The following NR3C2 variants were observed in gnomAD, a reference collection of about 807,000 sequenced individuals.
NR3C2 encodes the protein nuclear receptor subfamily 3 group C member 2.
A neutral mutation model predicts 86.4 loss-of-function variants in NR3C2; 15 were observed. The ratio of observed to expected loss-of-function variants is 0.17; its 90% CI spans 0.12 to 0.27. NR3C2 has a LOEUF of 0.27. NR3C2 is among the 10% of genes least tolerant of loss of function. The pLI is 1.00. For synonymous variants in NR3C2, 458 were observed against 450.5 expected (o/e 1.02, Z -0.21); for missense variants, 960 against 1,195.6 (o/e 0.80, Z 2.91).
intron 2 of NR3C2, among the ~76,000 whole-genome samples, chr4:148,341,632 A>G (rs932438141): frequency 6.6e-6 from 1 of 152,132 alleles, no homozygotes; most frequent in Admixed American, 6.6e-5. Flanking sequence ...AAAGAGGTGA[A>G]TGTTTGGGGT....
At chr4:148,391,095 C>A (rs1212983721) in intron 2 of NR3C2, among the ~76,000 whole-genome samples, 1 of 152,132 alleles carries the variant, frequency 6.6e-6, no homozygotes, top group African/African-American at 2.4e-5. Context: ...CATAGAGGAA[C>A]TGATAGCATA....
intron 2 of NR3C2, among the ~76,000 whole-genome samples, chr4:148,397,858 C>T (rs147066006): frequency 5.3e-5 from 8 of 152,246 alleles, no homozygotes; most frequent in Admixed American, 6.5e-5. Flanking sequence ...GTACCATACA[C>T]GCATTTATTT....
chr4:148,315,681 T>G lies in NR3C2; in HGVS notation c.1758-55564A>C, dbSNP rs190716846. 9.8e-5 allele frequency among the ~76,000 whole-genome samples: 15 copies of G among 152,324 alleles called. No homozygotes were observed. The East Asian group carries it at 2.7e-3, about 27-fold the overall frequency. ...TTGGCTTAGCTGGCATTACATACCCTAAAGACTTACGTATTCTGTTTGAAA... is the reference window on the plus strand; with the variant it reads ...TTGGCTTAGCTGGCATTACATACCCGAAAGACTTACGTATTCTGTTTGAAA... On this transcript the variant is annotated intron_variant, in intron 2 of 8. Coordinates refer to ENST00000358102, the MANE Select transcript of NR3C2 (RefSeq NM_000901.5).
In NR3C2 at chr4:148,222,350, A is replaced by G. The variant is rs149942319; in HGVS notation, c.1898-27488T>C. Among the ~76,000 whole-genome samples the G allele has an allele frequency of 7.6e-3, 1,157 of 152,320 alleles. 10 individuals carry two copies. Among genetic ancestry groups the G allele is most frequent in the African/African-American group, 0.025 (1,032 of 41,580 alleles). ...CTTAGGAGGGGGCCCTGTGCTAAGT[A>G]CTCAAAAGCCTATTGATTTAATAAA... On this transcript the variant is annotated intron_variant, in intron 3 of 8. Coordinates refer to ENST00000358102, the MANE Select transcript of NR3C2 (RefSeq NM_000901.5).
At chr4:148,190,368 C>A (rs1385948986) in intron 4 of NR3C2, among the ~76,000 whole-genome samples, 1 of 152,122 alleles carries the variant, frequency 6.6e-6, no homozygotes, top group African/African-American at 2.4e-5. Flanking sequence ...AGTTGACGTC[C>A]AATTTTATTC....
intron 2 of NR3C2, among the ~76,000 whole-genome samples, chr4:148,414,466 A>G (rs901357791): frequency 1.7e-4 from 26 of 152,182 alleles, no homozygotes; most frequent in Non-Finnish European, 2.8e-4. Flanking sequence ...AAAAATAATA[A>G]AGAGATAAAT....
intron 2 of NR3C2, among the ~76,000 whole-genome samples, chr4:148,298,682 C>T (rs1047912574): frequency 6.6e-6 from 1 of 152,224 alleles, no homozygotes; most frequent in Admixed American, 6.5e-5. Context: ...TTATTAGTCT[C>T]TTATCATCCA....
intron 3 of NR3C2, among the ~76,000 whole-genome samples, chr4:148,222,783 C>A (rs920515961): frequency 2.0e-5 from 3 of 152,164 alleles, no homozygotes; most frequent in Non-Finnish European, 4.4e-5. Flanking sequence ...ATTTATTTTA[C>A]TGAAATTCAA....
At chr4:148,430,340 C>A (rs916365207) in intron 2 of NR3C2, among the ~76,000 whole-genome samples, 11 of 152,098 alleles carry the variant, frequency 7.2e-5, no homozygotes, top group Middle Eastern at 3.4e-3. Context: ...GACATATAAA[C>A]CTACGATATT....
At chr4:148,143,562 T>G (rs1232274201) in intron 6 of NR3C2, among the ~76,000 whole-genome samples, 1 of 152,222 alleles carries the variant, frequency 6.6e-6, no homozygotes, top group Non-Finnish European at 1.5e-5. Flanking sequence ...AATAAATATC[T>G]GCCAAATGAA....
chr4:148,121,258 C>T (rs1478760021), intron 6 of NR3C2, among the ~76,000 whole-genome samples: 1 of 152,172 alleles, frequency 6.6e-6, no homozygotes, highest in African/African-American at 2.4e-5. Flanking sequence ...GTGGGGATCT[C>T]TTTTGCAGGA....
At chr4:148,417,582 T>C (rs72658645) in intron 2 of NR3C2, among the ~76,000 whole-genome samples, 15 of 152,212 alleles carry the variant, frequency 9.9e-5, no homozygotes, top group African/African-American at 3.6e-4. Context: ...ACAACAGAAT[T>C]ACTCAATCTG....
chr4:148,136,994 C>T (rs187257931), intron 6 of NR3C2, among the ~76,000 whole-genome samples: 76 of 152,314 alleles, frequency 5.0e-4, no homozygotes, highest in Non-Finnish European at 8.5e-4. Flanking sequence ...ATATTTACTA[C>T]TGACTGGCGA....
intron 2 of NR3C2, among the ~76,000 whole-genome samples, chr4:148,292,394 A>G (rs187545118): frequency 2.4e-3 from 368 of 152,230 alleles, no homozygotes; most frequent in African/African-American, 8.6e-3. Flanking sequence ...GTTGCTTTAT[A>G]TAATTATATG....
At chr4:148,311,053 A>C (rs1742877006) in intron 2 of NR3C2, among the ~76,000 whole-genome samples, 1 of 152,134 alleles carries the variant, frequency 6.6e-6, no homozygotes, top group South Asian at 2.1e-4. Context: ...CTCTTCTTGA[A>C]ATATGTTCTT....
chr4:148,305,657 A>C (rs1579131091), intron 2 of NR3C2, among the ~76,000 whole-genome samples: 1 of 152,228 alleles, frequency 6.6e-6, no homozygotes, highest in Non-Finnish European at 1.5e-5. Context: ...TGTGCACATA[A>C]AAATTCCTCT....
chr4:148,183,972 G>A (rs968329915), intron 4 of NR3C2, among the ~76,000 whole-genome samples: 1 of 152,060 alleles, frequency 6.6e-6, no homozygotes, highest in Admixed American at 6.6e-5. Flanking sequence ...ACAACTGGAG[G>A]AGAGTGAACT....
chr4:148,384,011 A>T (rs1022033752), intron 2 of NR3C2, among the ~76,000 whole-genome samples: 2 of 151,716 alleles, frequency 1.3e-5, no homozygotes, highest in Non-Finnish European at 2.9e-5. Context: ...GGAACTACAC[A>T]TTTAGTAAAA....
intron 6 of NR3C2, among the ~76,000 whole-genome samples, chr4:148,126,773 G>A (rs1732766790): frequency 1.3e-5 from 2 of 152,102 alleles, no homozygotes; most frequent in African/African-American, 4.8e-5. Flanking sequence ...AGTCTCCATA[G>A]CTATCATTTA....
Sources: allele counts gnomAD v4.1 joint callset (sites outside exome capture counted in the v4.1 genomes callset), GRCh38; gene constraint gnomAD v4.1.1; transcripts MANE v1.5; gene names NCBI Gene and HGNC (gene_info 2026-07-23, HGNC 2026-07-21).